Variants in BCAT1 observed in about 807,000 individuals in gnomAD.
BCAT1 encodes branched-chain-amino-acid aminotransferase, cytosolic.
In BCAT1, 48 loss-of-function variants were observed where a neutral mutation model predicts 52.4. The ratio of observed to expected loss-of-function variants is 0.92; its 90% CI spans 0.73 to 1.16. BCAT1 has a LOEUF of 1.16. Ranked by LOEUF, BCAT1 falls within the 50% of genes most tolerant of loss-of-function variation. The pLI is 0.00. For synonymous variants in BCAT1, 167 were observed against 161.3 expected, an observed-to-expected ratio of 1.04 and a Z score of -0.27; for missense variants, 451 against 457.1, an observed-to-expected ratio of 0.99 and a Z score of 0.12.
chr12:24,900,660 G>T (rs1943078207), intron 2 of BCAT1, among the ~76,000 whole-genome samples: 1 of 152,190 alleles, frequency 6.6e-6, no homozygotes, highest in Non-Finnish European at 1.5e-5. Flanking sequence ...AATTCTTCAG[G>T]CTAGGCTTGG....
chr12:24,869,405 G>A (rs1942117868), intron 5 of BCAT1, among the ~76,000 whole-genome samples: 1 of 152,170 alleles, frequency 6.6e-6, no homozygotes, highest in African/African-American at 2.4e-5. Context: ...CATGCTAGCA[G>A]GACCCTGGCT....
chr12:24,882,866 G>T (rs149019523), intron 3 of BCAT1, among the ~76,000 whole-genome samples: 2,316 of 152,148 alleles, frequency 0.015, 60 homozygotes, highest in African/African-American at 0.053. Context: ...CTCCCAAAGT[G>T]CTGGGATTAC....
In BCAT1 at chr12:24,816,634, A is replaced by T. The variant is rs1303871292; in HGVS notation, c.*1374T>A. On this transcript the variant is annotated 3_prime_UTR_variant, in exon 11 of 11. Coordinates refer to ENST00000261192, the MANE Select transcript of BCAT1 (RefSeq NM_005504.7). ...TTTATTTCTGCAATTAACACTTGAC[A>T]TAAAACATTTGTCATTTCCATTTGG... 2 of 397,562 alleles carry T rather than the reference A, an allele frequency of 5.0e-6. No individual in the cohort carries two copies. The highest frequency in any genetic ancestry group is 8.9e-6 in the Non-Finnish European group (2 of 225,552). 24.6% of individuals were successfully genotyped at this position (397,562 alleles called of 1,614,324 possible). A position where few individuals can be genotyped will look rare whatever the true frequency, so the allele number is the denominator to read the frequency against.
intron 1 of BCAT1, chr12:24,902,150 G>C: frequency 6.9e-7 from 1 of 1,443,150 alleles, no homozygotes; most frequent in East Asian, 2.5e-5. Context: ...TTAAATTCCA[G>C]GTCAGCCCTA....
rs368298257 is a variant in BCAT1, at chr12:24,920,100, T to C, written c.7-18215A>G. ...CCCTCTCTGTGCTTCCATTTCTCTATCTGTAAAATAATATTAATAATAGAG... is the reference window on the plus strand; with the variant it reads ...CCCTCTCTGTGCTTCCATTTCTCTACCTGTAAAATAATATTAATAATAGAG... On this transcript the variant is annotated intron_variant, in intron 1 of 10. Transcript: ENST00000261192. Among the ~76,000 whole-genome samples the C allele has an allele frequency of 4.3e-4, 65 of 152,292 alleles. 1 individual carries two copies. Among genetic ancestry groups the C allele is most frequent in the African/African-American group, 1.5e-3 (63 of 41,564 alleles).
At chr12:24,878,448 CTA>C in intron 5 of BCAT1, 80 bp downstream of exon 5, 2 of 1,347,688 alleles carry the variant, frequency 1.5e-6, no homozygotes, top group Non-Finnish European at 2.0e-6. Flanking sequence ...CTACTGCAAA[CTA>C]TATGCTAGAA....
intron 3 of BCAT1, among the ~76,000 whole-genome samples, chr12:24,888,930 A>G (rs1207172647): frequency 6.6e-6 from 1 of 152,200 alleles, no homozygotes; most frequent in Non-Finnish European, 1.5e-5. Context: ...CCACCTGTAC[A>G]GTAAGGAGCA....
At chr12:24,902,160 A>G (rs1408246803) in intron 1 of BCAT1, 27 of 1,439,050 alleles carry the variant, frequency 1.9e-5, no homozygotes, top group South Asian at 9.0e-5. Flanking sequence ...GGTCAGCCCT[A>G]CAGAGCCAGG....
At chr12:24,873,010 C>T (rs534475746) in intron 5 of BCAT1, among the ~76,000 whole-genome samples, 5 of 152,180 alleles carry the variant, frequency 3.3e-5, no homozygotes, top group African/African-American at 1.2e-4. Flanking sequence ...CCAGAATCCC[C>T]GAGGAAATAA....
In BCAT1 at chr12:24,882,768, T is replaced by C. The variant is rs190770400; in HGVS notation, c.280-1357A>G. Among the ~76,000 whole-genome samples, 6 of 151,910 alleles carry C rather than the reference T, an allele frequency of 3.9e-5. No homozygotes were observed. In the East Asian group the frequency reaches 5.9e-4, roughly 15 times the overall value. On this transcript the variant is annotated intron_variant, in intron 3 of 10. Transcript: ENST00000261192. Reference sequence around the variant, plus strand: ...CGCGCACCACCACGCCCAAGTTAATTTTTTGTATTTTTTGTAGAGACGAGG... The same window carrying C: ...CGCGCACCACCACGCCCAAGTTAATCTTTTGTATTTTTTGTAGAGACGAGG...
chr12:24,899,150 G>A lies in BCAT1; in HGVS notation c.78+2664C>T, dbSNP rs535638414. Among the ~76,000 whole-genome samples, 40 of 152,236 alleles carry A rather than the reference G, an allele frequency of 2.6e-4. No individual in the cohort carries two copies. The East Asian group carries it at 3.7e-3, about 14-fold the overall frequency. On this transcript the variant is annotated intron_variant, in intron 2 of 10. Transcript: ENST00000261192. ...GATCCTAGAGTCCACAGAAAGATTC[G>A]CCAGGATGTGTAACAACGTATCTCA...
rs377668125 is a variant in BCAT1 at position 24,877,347 on chromosome 12, A to C, written c.510+1183T>G. The stretch of plus-strand genomic sequence containing the variant: ...ATCTCCTTCCATCAATTATCCCTCA[A>C]TATCACACTCTCAAGCCACAGCTGC... On this transcript the variant is annotated intron_variant, in intron 5 of 10. Coordinates refer to ENST00000261192, the MANE Select transcript of BCAT1 (RefSeq NM_005504.7). 9.2e-5 allele frequency among the ~76,000 whole-genome samples: 14 copies of C among 152,224 alleles called. No individual in the cohort carries two copies. The South Asian group carries it at 1.7e-3, about 18-fold the overall frequency.
chr12:24,842,471 G>A (rs543046752), intron 6 of BCAT1, among the ~76,000 whole-genome samples: 2 of 152,280 alleles, frequency 1.3e-5, no homozygotes, highest in Admixed American at 6.5e-5. Flanking sequence ...AACTTGAAAT[G>A]TAATGATAGA....
intron 3 of BCAT1, among the ~76,000 whole-genome samples, chr12:24,882,805 T>C (rs1375291352): frequency 6.6e-6 from 1 of 152,028 alleles, no homozygotes; most frequent in East Asian, 1.9e-4. Flanking sequence ...TTTGCCATGT[T>C]GCCTAGGCTG....
Position 24,814,077 on chromosome 12 carries a change from C to G in BCAT1, c.*3931G>C, listed in dbSNP as rs1253665162. ...TTGTGGGGAGATATCTGGAAAATAG[C>G]TGAACAAACTCTACATGTGGCGAAA... is the stretch of plus-strand genomic sequence containing the variant. On this transcript the variant is annotated 3_prime_UTR_variant, in exon 11 of 11. Transcript: ENST00000261192. 1 of 152,032 alleles carries G rather than the reference C, an allele frequency of 6.6e-6. No homozygotes were observed. The highest frequency in any genetic ancestry group is 1.5e-5 in the Non-Finnish European group (1 of 67,952). 9.4% of individuals were successfully genotyped at this position (152,032 alleles called of 1,614,324 possible). A position where few individuals can be genotyped will look rare whatever the true frequency, so the allele number is the denominator to read the frequency against.
chr12:24,911,707 C>T (rs1459132430), intron 1 of BCAT1, among the ~76,000 whole-genome samples: 1 of 152,138 alleles, frequency 6.6e-6, no homozygotes, highest in Non-Finnish European at 1.5e-5. Flanking sequence ...CTTCCCTCCC[C>T]ACCCCTCGTC....
intron 5 of BCAT1, among the ~76,000 whole-genome samples, chr12:24,875,110 A>G (rs1942293561): frequency 6.6e-6 from 1 of 152,172 alleles, no homozygotes. Context: ...ACATAAAAAG[A>G]TAAGTAAAGC....
At position 24,835,602 on chromosome 12, in the gene BCAT1, T is replaced by A. The variant is rs547632941; in HGVS notation, c.903+909A>T. Among the ~76,000 whole-genome samples, 4 of 151,778 alleles carry A rather than the reference T, an allele frequency of 2.6e-5. No individual in the cohort carries two copies. In the East Asian group the frequency reaches 7.7e-4, roughly 29 times the overall value. On this transcript the variant is annotated intron_variant, in intron 8 of 10. Transcript: ENST00000261192. ...TTATTTATTTATTTATTTAATTTACTTTTAGAGACATGGTCTCACCCTGTA... is the reference window on the plus strand; with the variant it reads ...TTATTTATTTATTTATTTAATTTACATTTAGAGACATGGTCTCACCCTGTA...
At position 24,939,253 on chromosome 12, in the gene BCAT1, C is replaced by T. The variant is rs530040566; in HGVS notation, c.6+9674G>A. The stretch of plus-strand genomic sequence containing the variant: ...ATAATGCTTGAATTATTTCTGTTTT[C>T]CTGTTACTGGGTACAAAGTCTGGTA... On this transcript the variant is annotated intron_variant, in intron 1 of 10. Transcript: ENST00000261192. Among the ~76,000 whole-genome samples the T allele has an allele frequency of 2.6e-4, 40 of 152,234 alleles. 1 individual carries two copies. In the South Asian group the frequency reaches 8.3e-3, roughly 32 times the overall value.
Sources: gnomAD v4.1 joint callset for allele counts (sites outside exome capture counted in the v4.1 genomes callset) on GRCh38, gnomAD v4.1.1 for gene constraint, MANE v1.5 for transcripts, NCBI Gene and HGNC (gene_info 2026-07-23, HGNC 2026-07-21) for gene names.